The following RUNX1T1 variants were observed in gnomAD, a reference collection of about 807,000 sequenced individuals.
RUNX1T1 encodes RUNX1 partner transcriptional co-repressor 1, also known as protein CBFA2T1.
A neutral mutation model predicts 62.8 loss-of-function variants in RUNX1T1; 4 were observed. The ratio of observed to expected loss-of-function variants is 0.06; its 90% CI spans 0.03 to 0.15. The LOEUF is 0.15. Among genes scored for constraint, RUNX1T1 ranks in the 10% least tolerant of loss-of-function variants. RUNX1T1 has a pLI of 1.00. For missense variants in RUNX1T1, 508 were observed against 754.3 expected (o/e 0.67, Z 3.82); for synonymous variants, 291 against 286.0 (o/e 1.02, Z -0.18).
rs188237083 is a variant in RUNX1T1, at chr8:92,012,532, G to C, written c.388-1441C>G. ...ACAGAGAACGGGTATGGGTGACAGA[G>C]AAAGACCCTGTCTCAAAAAAATTAC... is the stretch of plus-strand genomic sequence containing the variant. On this transcript the variant is annotated intron_variant, in intron 3 of 10. Coordinates refer to ENST00000396218, the Ensembl canonical transcript of RUNX1T1. Among the ~76,000 whole-genome samples, 18 of 151,972 alleles carry C rather than the reference G, an allele frequency of 1.2e-4. No individual in the cohort carries two copies. In the East Asian group the frequency reaches 2.7e-3, roughly 23 times the overall value.
chr8:92,001,527 G>C (rs946978142), intron 5 of RUNX1T1, among the ~76,000 whole-genome samples: 5 of 152,168 alleles, frequency 3.3e-5, no homozygotes, highest in South Asian at 2.1e-4. Context: ...CCTTTGCATT[G>C]AAAGTTTAGA....
chr8:92,093,853 C>T (rs1162392430), intron 1 of RUNX1T1, among the ~76,000 whole-genome samples: 1 of 152,162 alleles, frequency 6.6e-6, no homozygotes, highest in Admixed American at 6.5e-5. Flanking sequence ...GGCTAGCATG[C>T]TTTTCATATT....
At chr8:91,957,687 T>C (rs550289515), downstream of RUNX1T1, 1 of 226,264 alleles carries the variant, frequency 4.4e-6, no homozygotes, top group Admixed American at 5.7e-5. Flanking sequence ...TAACCCTTCG[T>C]AGCCTAGAAC....
intron 5 of RUNX1T1, among the ~76,000 whole-genome samples, 167 bp from the exon 7 acceptor site, chr8:91,992,056 C>T (rs953845658): frequency 2.6e-5 from 4 of 152,144 alleles, no homozygotes; most frequent in Non-Finnish European, 4.4e-5. Flanking sequence ...AGACCTGTGT[C>T]GAGACCTAAA....
chr8:91,958,719 G>C (rs372645897), downstream of RUNX1T1: 1 of 88,734 alleles, frequency 1.1e-5, no homozygotes, highest in African/African-American at 5.2e-5. Context: ...TATTTAAAAA[G>C]AATTTGCTCA....
rs552502085 is a variant in RUNX1T1, at chr8:92,090,809, C to A, written c.-86+8771G>T. ...AATTTTCTAAATTGGGGCAAAAGAT[C>A]AAGCCAGAAGAGTAACTATGGCAAG... On this transcript the variant is annotated intron_variant, in intron 1 of 11. Coordinates refer to the RUNX1T1 transcript ENST00000265814. Among the ~76,000 whole-genome samples the A allele has an allele frequency of 5.5e-4, 83 of 152,274 alleles. 1 individual carries two copies. Among genetic ancestry groups the A allele is most frequent in the African/African-American group, 1.9e-3 (77 of 41,556 alleles).
At chr8:92,007,810 A>G in intron 4 of RUNX1T1, among the ~76,000 whole-genome samples, 1 of 152,076 alleles carries the variant, frequency 6.6e-6, no homozygotes, top group East Asian at 1.9e-4. Flanking sequence ...TCTCTACAAA[A>G]AATACAAAAT....
intron 8 of RUNX1T1, among the ~76,000 whole-genome samples, chr8:91,981,404 CTTTTTTTTTTTTTTTT>C (rs67366711): frequency 9.4e-5 from 6 of 63,882 alleles, no homozygotes; most frequent in African/African-American, 3.1e-4. Context: ...AGTTACTAAG[CTTTTTTTTTTTTTTTT>C]TTTTTTTTTT....
intron 6 of RUNX1T1, among the ~76,000 whole-genome samples, chr8:91,990,791 G>C (rs1027254324): frequency 6.6e-6 from 1 of 151,966 alleles, no homozygotes; most frequent in African/African-American, 2.4e-5. Flanking sequence ...ACAGGTAGCT[G>C]GGGCTAGAGG....
chr8:92,011,909 A>T (rs749207711), intron 3 of RUNX1T1, among the ~76,000 whole-genome samples: 52 of 152,316 alleles, frequency 3.4e-4, no homozygotes, highest in Middle Eastern at 3.4e-3. Context: ...AAAGGCATTG[A>T]GTAAATTAAC....
At chr8:92,003,877 T>C (rs1231731342) in intron 5 of RUNX1T1, among the ~76,000 whole-genome samples, 1 of 152,242 alleles carries the variant, frequency 6.6e-6, no homozygotes, top group African/African-American at 2.4e-5. Context: ...TTGTAGGTCA[T>C]ATATGAAGGT....
Position 91,978,078 on chromosome 8 carries a change from C to A in RUNX1T1, c.1199-2105G>T, listed in dbSNP as rs377599580. On this transcript the variant is annotated intron_variant, in intron 8 of 10. Coordinates refer to ENST00000396218, the Ensembl canonical transcript of RUNX1T1. ...ACAGGTGTGAGCCACCATGCCCAGC[C>A]TATAAACATTTTTTTTTTATTAAAT... 7.2e-5 allele frequency among the ~76,000 whole-genome samples: 11 copies of A among 152,096 alleles called. No individual in the cohort carries two copies. The South Asian group carries it at 2.1e-3, about 29-fold the overall frequency.
At chr8:91,956,144 G>A (rs1809345515), downstream of RUNX1T1, 1 of 229,808 alleles carries the variant, frequency 4.4e-6, no homozygotes, top group Non-Finnish European at 8.6e-6. Flanking sequence ...CCAGATTTAG[G>A]TACTCATTTC....
At chr8:92,066,612 A>T (rs189623827), upstream of RUNX1T1, among the ~76,000 whole-genome samples, 47 of 152,326 alleles carry the variant, frequency 3.1e-4, 1 homozygote, top group African/African-American at 1.1e-3. Flanking sequence ...TTGACAGTCA[A>T]TTAAATAGAT....
chr8:91,958,728 C>CAAAAAAAAAAAAAAAAAAAAAAAAA (rs34044770), downstream of RUNX1T1: 1 of 128,956 alleles, frequency 7.8e-6, no homozygotes. Flanking sequence ...AGAATTTGCT[C>CAAAAAAAAAAAAAAAAAAAAAAAAA]AAAAAAAAAA....
At chr8:92,070,615 T>C (rs1240449798) in intron 2 of RUNX1T1, among the ~76,000 whole-genome samples, 1 of 151,446 alleles carries the variant, frequency 6.6e-6, no homozygotes, top group Non-Finnish European at 1.5e-5. Flanking sequence ...ATTACTTCCA[T>C]GTGATATGCA....
Position 92,035,474 on chromosome 8 carries a change from C to T in RUNX1T1, c.8-18111G>A, listed in dbSNP as rs916920542. Among the ~76,000 whole-genome samples, 47 of 151,958 alleles carry T rather than the reference C, an allele frequency of 3.1e-4. 1 individual carries two copies. The highest frequency in any genetic ancestry group is 1.1e-3 in the African/African-American group (46 of 41,432). The stretch of plus-strand genomic sequence containing the variant: ...TATATGCATGTAAGAAATGCATCTG[C>T]ACTTGTACACTCTAAATACATAAAA... On this transcript the variant is annotated intron_variant, in intron 1 of 10. Transcript: ENST00000396218.
intron 1 of RUNX1T1, among the ~76,000 whole-genome samples, chr8:92,033,799 G>A (rs1427473014): frequency 3.9e-5 from 6 of 151,994 alleles, no homozygotes; most frequent in African/African-American, 1.2e-4. Context: ...GTGAAACCCC[G>A]TCTCCACTAA....
intron 8 of RUNX1T1, among the ~76,000 whole-genome samples, chr8:91,978,769 T>C (rs1013981004): frequency 1.3e-5 from 2 of 152,156 alleles, no homozygotes; most frequent in African/African-American, 4.8e-5. Flanking sequence ...CCAGGCTCAA[T>C]TGACCTTCCA....
Sources: gnomAD v4.1 joint callset for allele counts (sites outside exome capture counted in the v4.1 genomes callset) on GRCh38, gnomAD v4.1.1 for gene constraint, MANE v1.5 for transcripts, NCBI Gene and HGNC (gene_info 2026-07-23, HGNC 2026-07-21) for gene names.